ANKS1B: variants seen among roughly 807,000 people sequenced by gnomAD.
ANKS1B encodes the protein ankyrin repeat and sterile alpha motif domain containing 1B, also known as ankyrin repeat and sterile alpha motif domain-containing protein 1B.
ANKS1B carries 36 observed loss-of-function variants against 148.3 expected under a neutral mutation model. That is an observed-to-expected ratio of 0.24 (90% CI 0.19 to 0.32). The LOEUF is 0.32. Among genes scored for constraint, ANKS1B ranks in the 10% least tolerant of loss-of-function variants. The pLI, the probability that ANKS1B is intolerant of heterozygous loss-of-function variation, is 1.00. For synonymous variants in ANKS1B, 542 were observed against 560.8 expected (o/e 0.97, Z 0.47); for missense variants, 1,157 against 1,542.6 (o/e 0.75, Z 4.19).
chr12:99,815,147 C>T (rs2068937216), intron 2 of ANKS1B, among the ~76,000 whole-genome samples: 1 of 151,770 alleles, frequency 6.6e-6, no homozygotes, highest in South Asian at 2.1e-4. Flanking sequence ...TTTCCTTTTA[C>T]TCTTGCTCCA....
chr12:99,060,700 CAT>C (rs71081895), intron 16 of ANKS1B, among the ~76,000 whole-genome samples: 717 of 51,038 alleles, frequency 0.014, 7 homozygotes, highest in African/African-American at 0.026. Context: ...CACACACACA[CAT>C]ATATATAGAG....
intron 9 of ANKS1B, among the ~76,000 whole-genome samples, chr12:99,635,825 G>C (rs1470870322): frequency 6.6e-6 from 1 of 152,024 alleles, no homozygotes; most frequent in Non-Finnish European, 1.5e-5. Flanking sequence ...AAAATCAATA[G>C]AGGAAGCTGG....
chr12:99,706,503 T>C (rs1377732618), intron 8 of ANKS1B: 1 of 152,088 alleles, frequency 6.6e-6, no homozygotes, highest in Non-Finnish European at 1.5e-5. Flanking sequence ...GGCAATGTCT[T>C]ATAACTCGCT....
At chr12:98,846,421 T>C (rs1437720409) in intron 17 of ANKS1B, among the ~76,000 whole-genome samples, 1 of 152,228 alleles carries the variant, frequency 6.6e-6, no homozygotes, top group Non-Finnish European at 1.5e-5. Flanking sequence ...CAGCCATGGT[T>C]CACAAAGCTG....
At chr12:99,153,606 T>C (rs911594250) in intron 15 of ANKS1B, among the ~76,000 whole-genome samples, 6 of 152,188 alleles carry the variant, frequency 3.9e-5, no homozygotes, top group African/African-American at 1.2e-4. Context: ...AGATTGCATG[T>C]AGACCAGAAT....
chr12:99,237,667 A>G (rs2088272919), intron 14 of ANKS1B, among the ~76,000 whole-genome samples: 2 of 152,206 alleles, frequency 1.3e-5, no homozygotes, highest in Non-Finnish European at 2.9e-5. Context: ...GGTCAGGTGA[A>G]TGTTTCACTG....
At chr12:99,421,873 G>A (rs990277264) in intron 11 of ANKS1B, among the ~76,000 whole-genome samples, 1 of 152,074 alleles carries the variant, frequency 6.6e-6, no homozygotes, top group Non-Finnish European at 1.5e-5. Context: ...TGTCCTCGTG[G>A]CAATGTTTTC....
At chr12:99,204,591 C>T (rs1332064828) in intron 14 of ANKS1B, among the ~76,000 whole-genome samples, 2 of 152,198 alleles carry the variant, frequency 1.3e-5, no homozygotes, top group Non-Finnish European at 1.5e-5. Context: ...CCTAAATAAA[C>T]GTAGCCCAGT....
intron 1 of ANKS1B, among the ~76,000 whole-genome samples, chr12:99,968,767 A>C (rs2095521911): frequency 6.6e-6 from 1 of 152,164 alleles, no homozygotes; most frequent in Non-Finnish European, 1.5e-5. Context: ...ACCCCTCATG[A>C]ACGGCTTAGC....
chr12:98,784,216 T>A (rs1165511074), intron 22 of ANKS1B, among the ~76,000 whole-genome samples: 2 of 152,164 alleles, frequency 1.3e-5, no homozygotes, highest in African/African-American at 4.8e-5. Flanking sequence ...TCCACCTACA[T>A]ACATGGATGG....
intron 9 of ANKS1B, among the ~76,000 whole-genome samples, chr12:99,505,953 G>A (rs2096707715): frequency 6.6e-6 from 1 of 151,972 alleles, no homozygotes; most frequent in South Asian, 2.1e-4. Flanking sequence ...AAAATCATCT[G>A]GTAACACAGT....
At chr12:99,813,832 A>G (rs936835778) in intron 2 of ANKS1B, among the ~76,000 whole-genome samples, 2 of 151,760 alleles carry the variant, frequency 1.3e-5, no homozygotes, top group Non-Finnish European at 3.0e-5. Flanking sequence ...CTGAATTTAG[A>G]AGACTTGGAT....
At chr12:99,649,553 C>A in intron 9 of ANKS1B, 1 of 608,630 alleles carries the variant, frequency 1.6e-6, no homozygotes, top group East Asian at 2.8e-5. Flanking sequence ...GCAACCAAGT[C>A]TGCAGACTCA....
chr12:99,977,452 T>C (rs2095643280), intron 1 of ANKS1B, among the ~76,000 whole-genome samples: 1 of 152,140 alleles, frequency 6.6e-6, no homozygotes, highest in Admixed American at 6.6e-5. Context: ...TCCAGACAGA[T>C]CCCATCTCTT....
chr12:99,529,737 A>G (rs531083857), intron 9 of ANKS1B, among the ~76,000 whole-genome samples: 11 of 148,152 alleles, frequency 7.4e-5, no homozygotes, highest in African/African-American at 2.9e-4. Flanking sequence ...CTATTTTTCT[A>G]CGTCCATAAT....
At chr12:98,877,136 T>C (rs767407182) in intron 17 of ANKS1B, among the ~76,000 whole-genome samples, 6 of 152,180 alleles carry the variant, frequency 3.9e-5, no homozygotes, top group Non-Finnish European at 7.4e-5. Flanking sequence ...GATAGGCACC[T>C]ACAAGAACAA....
At chr12:99,876,959 C>T (rs2092127345) in intron 1 of ANKS1B, among the ~76,000 whole-genome samples, 1 of 152,092 alleles carries the variant, frequency 6.6e-6, no homozygotes, top group Admixed American at 6.5e-5. Flanking sequence ...TTCTCTCAGT[C>T]CCAGATGCAA....
intron 17 of ANKS1B, among the ~76,000 whole-genome samples, chr12:98,848,078 C>T (rs201367): frequency 0.86 from 130,178 of 152,228 alleles, 55,720 homozygotes; most frequent in East Asian, 0.99. Flanking sequence ...GATACTGAAT[C>T]ATCAAATGGA....
At chr12:99,352,395 A>T (rs1001962106) in intron 12 of ANKS1B, among the ~76,000 whole-genome samples, 1 of 151,608 alleles carries the variant, frequency 6.6e-6, no homozygotes, top group Non-Finnish European at 1.5e-5. Context: ...AAGCATTCTG[A>T]TGAGGATCTG....
Sources: allele counts gnomAD v4.1 joint callset (sites outside exome capture counted in the v4.1 genomes callset), GRCh38; gene constraint gnomAD v4.1.1; transcripts MANE v1.5; gene names NCBI Gene and HGNC (gene_info 2026-07-23, HGNC 2026-07-21).